Variants in AGMO observed in about 807,000 individuals in gnomAD.
AGMO encodes the protein glyceryl-ether monooxygenase.
A neutral mutation model predicts 60.2 loss-of-function variants in AGMO; 75 were observed. The observed-to-expected ratio is 1.25, with a 90% CI of 1.03 to 1.51. AGMO has a LOEUF of 1.51. AGMO is among the 40% of genes most tolerant of loss of function. The probability of loss-of-function intolerance (pLI) is 0.00; values close to 1 mark genes in which losing one functional copy is unlikely to be tolerated. For synonymous variants in AGMO, 261 were observed against 177.1 expected (o/e 1.47, Z -3.76); for missense variants, 763 against 525.5 (o/e 1.45, Z -4.42).
intron 3 of AGMO, among the ~76,000 whole-genome samples, chr7:15,501,144 A>C (rs1416216014): frequency 6.6e-6 from 1 of 152,096 alleles, no homozygotes; most frequent in Middle Eastern, 3.4e-3. Flanking sequence ...GGTGATGAGA[A>C]GAATGTCTAT....
chr7:15,171,446 C>A, the AGMO span, among the ~76,000 whole-genome samples: 1 of 152,204 alleles, frequency 6.6e-6, no homozygotes, highest in East Asian at 1.9e-4. Context: ...TTTCCCCTTT[C>A]CATACTATAC....
the AGMO span, among the ~76,000 whole-genome samples, chr7:15,167,326 T>A: frequency 6.6e-6 from 1 of 152,154 alleles, no homozygotes; most frequent in South Asian, 2.1e-4. Context: ...ATTAAGCTAG[T>A]TATTTAATAT....
intron 12 of AGMO, 137 bp from the exon 13 acceptor site, chr7:15,201,496 A>T (rs1781281003): frequency 4.9e-6 from 3 of 606,380 alleles, no homozygotes; most frequent in Middle Eastern, 4.6e-4. Context: ...TAAATCTAGC[A>T]ATTGTTCACT....
intron 12 of AGMO, among the ~76,000 whole-genome samples, chr7:15,212,249 C>T (rs936511322): frequency 3.4e-5 from 2 of 59,330 alleles, no homozygotes; most frequent in Non-Finnish European, 5.8e-5. Context: ...GTGTGGAGTA[C>T]ACACACACAC....
At chr7:15,404,663 C>T (rs1400076366) in intron 5 of AGMO, among the ~76,000 whole-genome samples, 2 of 151,674 alleles carry the variant, frequency 1.3e-5, no homozygotes, top group Non-Finnish European at 3.0e-5. Flanking sequence ...TTAAGTAATC[C>T]GTGTCCAAAA....
chr7:15,214,937 C>T (rs780325942), intron 12 of AGMO, among the ~76,000 whole-genome samples: 16 of 151,978 alleles, frequency 1.1e-4, no homozygotes, highest in Non-Finnish European at 1.8e-4. Context: ...GTATCTCTTG[C>T]TATTTCTAAG....
intron 3 of AGMO, among the ~76,000 whole-genome samples, chr7:15,469,596 A>G (rs113784201): frequency 1.1e-4 from 17 of 152,282 alleles, no homozygotes; most frequent in African/African-American, 4.1e-4. Context: ...AGAAATCAAA[A>G]GAGATGAGGG....
the AGMO span, among the ~76,000 whole-genome samples, chr7:15,180,697 C>G: frequency 6.6e-6 from 1 of 152,168 alleles, no homozygotes; most frequent in Admixed American, 6.5e-5. Flanking sequence ...TATTCATTAC[C>G]CATTTCCAAA....
chr7:15,155,419 CTTTTTTTTTTTTTTTTTTTT>C, the AGMO span, among the ~76,000 whole-genome samples: 1 of 63,912 alleles, frequency 1.6e-5, no homozygotes, highest in Non-Finnish European at 2.8e-5. Context: ...TACAGAATTT[CTTTTTTTTTTTTTTTTTTTT>C]TTTTTTTTTT....
chr7:15,303,947 T>C (rs1407692353), intron 12 of AGMO, among the ~76,000 whole-genome samples: 2 of 152,164 alleles, frequency 1.3e-5, no homozygotes, highest in Admixed American at 1.3e-4. Context: ...TGGAAGAGAA[T>C]AGGTCTGTGG....
the AGMO span, among the ~76,000 whole-genome samples, chr7:15,172,971 G>C: frequency 6.6e-6 from 1 of 152,050 alleles, no homozygotes; most frequent in South Asian, 2.1e-4. Context: ...AAAGATAAGG[G>C]CTTCTCAAAT....
Position 15,365,527 on chromosome 7 carries a change from G to T in AGMO, c.1250C>A (p.Ser417Ter). 6.2e-7 allele frequency: 1 copy of T among 1,611,464 alleles called. No homozygotes were observed. Among genetic ancestry groups the T allele is most frequent in the South Asian group, 1.1e-5 (1 of 90,904 alleles). ...CAAATGTCTTACCTCAAAAGCAGAT[G>T]ACAATGAAGGGACAAGAGGCTTCAG... is the stretch of plus-strand genomic sequence containing the variant. ...GHLKPLVPSL[S>*]SAFEIVFSIC... The change falls in exon 12 of 13, where the codon TCA (serine) becomes TAA (stop). Residue 417 changes from serine to a stop codon, truncating the protein, a stop_gained. Coordinates refer to ENST00000342526, the MANE Select transcript of AGMO (RefSeq NM_001004320.2). LOFTEE classifies it high-confidence loss of function.
At chr7:15,446,928 T>G (rs940570689) in intron 3 of AGMO, among the ~76,000 whole-genome samples, 2 of 152,184 alleles carry the variant, frequency 1.3e-5, no homozygotes, top group Non-Finnish European at 2.9e-5. Context: ...ATCACCTACT[T>G]TGTCAGCCAA....
chr7:15,292,751 C>CTTT lies in AGMO; in HGVS notation c.1263+72760_1263+72762dup, dbSNP rs765222435. Among the ~76,000 whole-genome samples, 821 of 95,102 alleles carry CTTT rather than the reference C, an allele frequency of 8.6e-3. 7 individuals are homozygous for CTTT. The highest frequency in any genetic ancestry group is 0.019 in the African/African-American group (422 of 21,790). The allele number at this position is 95,102 out of a possible 152,430, so 62.4% of individuals were successfully genotyped here. A position where few individuals can be genotyped will look rare whatever the true frequency, so the allele number is the denominator to read the frequency against. ...AATACAGTCTCCTCCTTTTTTTTTC[C>CTTT]TTTTTTTTTTTTTTTTTTTTTTTGA... On this transcript the variant is annotated intron_variant, in intron 12 of 12. Coordinates refer to ENST00000342526, the MANE Select transcript of AGMO (RefSeq NM_001004320.2).
chr7:15,296,182 C>T (rs1341088663), intron 12 of AGMO, among the ~76,000 whole-genome samples: 1 of 151,984 alleles, frequency 6.6e-6, no homozygotes, highest in Non-Finnish European at 1.5e-5. Flanking sequence ...ACTTCTCAAC[C>T]AATATAGTGC....
intron 3 of AGMO, among the ~76,000 whole-genome samples, chr7:15,449,050 C>A (rs1781786832): frequency 6.6e-6 from 1 of 151,976 alleles, no homozygotes. Context: ...AGGTGTTTGC[C>A]CTCTCTTTTC....
intron 3 of AGMO, among the ~76,000 whole-genome samples, chr7:15,447,462 C>A (rs778050880): frequency 3.3e-5 from 5 of 152,118 alleles, no homozygotes; most frequent in East Asian, 1.9e-4. Context: ...AACCCCATAG[C>A]GGGATAAAGT....
At chr7:15,410,521 A>T in intron 5 of AGMO, among the ~76,000 whole-genome samples, 1 of 152,012 alleles carries the variant, frequency 6.6e-6, no homozygotes, top group East Asian at 1.9e-4. Flanking sequence ...GATTGCATTT[A>T]TTCATATTAA....
chr7:15,375,465 G>A (rs1015703765), intron 10 of AGMO, among the ~76,000 whole-genome samples: 1 of 133,808 alleles, frequency 7.5e-6, no homozygotes, highest in African/African-American at 2.8e-5. Context: ...GCACAATCTT[G>A]GCTTCTGCAC....
Sources: gnomAD v4.1 joint callset for allele counts (sites outside exome capture counted in the v4.1 genomes callset) on GRCh38, gnomAD v4.1.1 for gene constraint, MANE v1.5 for transcripts, NCBI Gene and HGNC (gene_info 2026-07-23, HGNC 2026-07-21) for gene names.